GAB1: variants seen among roughly 807,000 people sequenced by gnomAD.
The protein encoded by GAB1 is GRB2-associated-binding protein 1.
Under a neutral mutation model 66.5 loss-of-function variants are expected in GAB1, and 19 were observed. That is an observed-to-expected ratio of 0.29 (90% CI 0.20 to 0.42). The LOEUF is 0.42. Among genes scored for constraint, GAB1 ranks in the 10% least tolerant of loss-of-function variants. The probability of loss-of-function intolerance (pLI) is 1.00; values close to 1 mark genes in which losing one functional copy is unlikely to be tolerated. For synonymous variants in GAB1, 294 were observed against 301.4 expected (o/e 0.98, Z 0.25); for missense variants, 732 against 858.5 (o/e 0.85, Z 1.84).
intron 6 of GAB1, among the ~76,000 whole-genome samples, chr4:143,445,183 G>T (rs1487698267): frequency 1.3e-5 from 2 of 152,160 alleles, no homozygotes; most frequent in Non-Finnish European, 2.9e-5. Context: ...TTTCCACAGT[G>T]GCTGAACTAA....
At position 143,399,854 on chromosome 4, in the gene GAB1, G is replaced by A. The variant is rs541777052; in HGVS notation, c.73-15623G>A. On this transcript the variant is annotated intron_variant, in intron 1 of 9. Transcript: ENST00000262994. ...CACTTAATAACGAACACTTAGTTGT[G>A]TATTGATGACTGTAATGATGATCCC... Among the ~76,000 whole-genome samples the A allele has an allele frequency of 1.2e-4, 18 of 151,494 alleles. No individual in the cohort carries two copies. In the East Asian group the frequency reaches 3.5e-3, roughly 29 times the overall value.
intron 1 of GAB1, among the ~76,000 whole-genome samples, chr4:143,407,128 A>G (rs1285664786): frequency 3.3e-5 from 5 of 152,172 alleles, no homozygotes; most frequent in Non-Finnish European, 7.4e-5. Context: ...CCTTGAAACT[A>G]TACAATATTA....
At chr4:143,442,833 C>T (rs562084281) in intron 6 of GAB1, among the ~76,000 whole-genome samples, 1 of 151,862 alleles carries the variant, frequency 6.6e-6, no homozygotes, top group South Asian at 2.1e-4. Context: ...ATTGTGAGTT[C>T]GTTGGCCACA....
In GAB1 at chr4:143,362,270, A is replaced by G. The variant is rs76425472; in HGVS notation, c.72+25010A>G. On this transcript the variant is annotated intron_variant, in intron 1 of 9. Transcript: ENST00000262994. ...GTTATAACAGAACCCATAGTTTCTC[A>G]GTATTTTCGTAATAGCAGCATCCAT... 7.3e-3 allele frequency among the ~76,000 whole-genome samples: 1,116 copies of G among 152,336 alleles called. 11 individuals are homozygous for G. The highest frequency in any genetic ancestry group is 0.026 in the African/African-American group (1,060 of 41,562).
chr4:143,404,714 GCA>G (rs1335050890), intron 1 of GAB1, among the ~76,000 whole-genome samples: 1 of 152,156 alleles, frequency 6.6e-6, no homozygotes, highest in African/African-American at 2.4e-5. Context: ...CTGCTCCATT[GCA>G]CACAGCCTGA....
At chr4:143,423,125 G>A (rs1336608435) in intron 2 of GAB1, among the ~76,000 whole-genome samples, 3 of 152,212 alleles carry the variant, frequency 2.0e-5, no homozygotes, top group Non-Finnish European at 4.4e-5. Context: ...CAATGTTCGA[G>A]AATATTTACA....
In GAB1 at chr4:143,409,604, A is replaced by AG. The variant is rs376705262; in HGVS notation, c.73-5873_73-5872insG. ...AGAGTTTGGAAATGTAAAATAATAG[A>AG]CTGTTCCAATCTATTCTACAGCAAT... On this transcript the variant is annotated intron_variant, in intron 1 of 9. Coordinates refer to ENST00000262994, the MANE Select transcript of GAB1 (RefSeq NM_002039.4). Among the ~76,000 whole-genome samples, 312 of 152,252 alleles carry AG rather than the reference A, an allele frequency of 2.0e-3. 1 individual carries two copies. The highest frequency in any genetic ancestry group is 7.1e-3 in the African/African-American group (295 of 41,540).
intron 8 of GAB1, among the ~76,000 whole-genome samples, chr4:143,464,998 T>C (rs1735705742): frequency 6.6e-6 from 1 of 152,230 alleles, no homozygotes; most frequent in Non-Finnish European, 1.5e-5. Context: ...TATGATTTTC[T>C]TTAAAAGTAT....
intron 1 of GAB1, among the ~76,000 whole-genome samples, chr4:143,343,691 C>T (rs1313499783): frequency 6.6e-6 from 1 of 152,034 alleles, no homozygotes; most frequent in African/African-American, 2.4e-5. Context: ...TGCAGGGGTA[C>T]GAGATGCCAG....
At chr4:143,410,111 C>T (rs72949178) in intron 1 of GAB1, among the ~76,000 whole-genome samples, 3,898 of 151,730 alleles carry the variant, frequency 0.026, 177 homozygotes, top group African/African-American at 0.09. Context: ...GCAGAGAACC[C>T]ATGGACTACC....
chr4:143,461,912 A>G (rs1735514043), intron 8 of GAB1, among the ~76,000 whole-genome samples: 1 of 152,188 alleles, frequency 6.6e-6, no homozygotes, highest in South Asian at 2.1e-4. Context: ...AACATAATTC[A>G]GTGATATGAA....
intron 1 of GAB1, among the ~76,000 whole-genome samples, chr4:143,366,913 C>CT (rs1729906145): frequency 6.6e-6 from 1 of 152,144 alleles, no homozygotes; most frequent in South Asian, 2.1e-4. Flanking sequence ...CGTCTCATGT[C>CT]TTTCGTGGTT....
chr4:143,443,360 C>T (rs1309383738), intron 6 of GAB1, among the ~76,000 whole-genome samples: 1 of 152,064 alleles, frequency 6.6e-6, no homozygotes, highest in Non-Finnish European at 1.5e-5. Context: ...GGAGAGGAGG[C>T]TTGAGAATGT....
chr4:143,457,723 G>A, intron 6 of GAB1: 3 of 1,576,960 alleles, frequency 1.9e-6, no homozygotes, highest in Middle Eastern at 1.7e-4. Context: ...ATGGTTTAGA[G>A]CGAACTGATT....
intron 1 of GAB1, among the ~76,000 whole-genome samples, chr4:143,381,670 T>C (rs1412939264): frequency 5.3e-5 from 8 of 152,134 alleles, no homozygotes. Flanking sequence ...ATAGGGAGGA[T>C]CATTTTGTTG....
intron 1 of GAB1, among the ~76,000 whole-genome samples, chr4:143,367,291 A>G (rs1729922161): frequency 6.6e-6 from 1 of 152,112 alleles, no homozygotes; most frequent in Non-Finnish European, 1.5e-5. Context: ...TGTAGTTGGA[A>G]CTCAATAAAT....
intron 1 of GAB1, among the ~76,000 whole-genome samples, chr4:143,393,732 G>T (rs1731299863): frequency 6.6e-6 from 1 of 151,840 alleles, no homozygotes; most frequent in Admixed American, 6.6e-5. Flanking sequence ...TCTTTTTAAT[G>T]GTGCCTGCTT....
At chr4:143,403,520 G>A (rs147799428) in intron 1 of GAB1, among the ~76,000 whole-genome samples, 11 of 152,318 alleles carry the variant, frequency 7.2e-5, no homozygotes, top group African/African-American at 1.7e-4. Context: ...ATAGGCAATC[G>A]TCTTTCTTGT....
chr4:143,364,045 G>A (rs971038802), intron 1 of GAB1, among the ~76,000 whole-genome samples: 6 of 152,006 alleles, frequency 3.9e-5, no homozygotes, highest in African/African-American at 1.2e-4. Context: ...AAAATTAGCC[G>A]GGCATGGTGG....
Sources: allele counts gnomAD v4.1 joint callset (sites outside exome capture counted in the v4.1 genomes callset), GRCh38; gene constraint gnomAD v4.1.1; transcripts MANE v1.5; gene names NCBI Gene and HGNC (gene_info 2026-07-23, HGNC 2026-07-21).